The following DENND4C variants were observed in gnomAD, a reference collection of about 807,000 sequenced individuals.
DENND4C encodes the protein DENN domain containing 4C, also known as DENN domain-containing protein 4C.
DENND4C carries 108 observed loss-of-function variants against 203.0 expected under a neutral mutation model. That is an observed-to-expected ratio of 0.53 (90% CI 0.46 to 0.62). The LOEUF (loss-of-function observed/expected upper bound fraction) is 0.62, where lower values mean the gene tolerates loss of function less well. Among genes scored for constraint, DENND4C ranks in the 20% least tolerant of loss-of-function variants. The probability of loss-of-function intolerance (pLI) is 0.00; values close to 1 mark genes in which losing one functional copy is unlikely to be tolerated. For missense variants in DENND4C, 2,481 were observed against 2,301.2 expected (o/e 1.08, Z -1.60); for synonymous variants, 871 against 792.4 (o/e 1.10, Z -1.67).
At chr9:19,311,212 C>T (rs1208464383) in intron 10 of DENND4C, among the ~76,000 whole-genome samples, 1 of 152,078 alleles carries the variant, frequency 6.6e-6, no homozygotes, top group Non-Finnish European at 1.5e-5. Context: ...CAACCTCCAC[C>T]TCCTGGGTTC....
chr9:19,237,596 A>G, intron 1 of DENND4C, among the ~76,000 whole-genome samples: 1 of 151,922 alleles, frequency 6.6e-6, no homozygotes, highest in Non-Finnish European at 1.5e-5. Flanking sequence ...TCACTTTGTG[A>G]TCCGCCCGCC....
intron 1 of DENND4C, among the ~76,000 whole-genome samples, chr9:19,254,809 A>AT (rs1477572542): frequency 2.0e-5 from 3 of 152,076 alleles, no homozygotes; most frequent in African/African-American, 7.2e-5. Flanking sequence ...TTATATATAT[A>AT]TTTTTTCAAT....
chr9:19,364,563 T>C (rs967847108), intron 30 of DENND4C, among the ~76,000 whole-genome samples: 1 of 152,220 alleles, frequency 6.6e-6, no homozygotes, highest in African/African-American at 2.4e-5. Context: ...GAAGGGCCAC[T>C]GTTCCCAGCC....
At chr9:19,321,634 C>T (rs909268498) in intron 12 of DENND4C, among the ~76,000 whole-genome samples, 1 of 151,756 alleles carries the variant, frequency 6.6e-6, no homozygotes, top group Non-Finnish European at 1.5e-5. Flanking sequence ...CACTTGAGGT[C>T]AGGAGTTTGA....
chr9:19,342,239 G>C (rs982764050), intron 21 of DENND4C, among the ~76,000 whole-genome samples: 1 of 151,724 alleles, frequency 6.6e-6, no homozygotes, highest in Non-Finnish European at 1.5e-5. Flanking sequence ...GAATATTTTG[G>C]CTTATGGAAT....
intron 1 of DENND4C, among the ~76,000 whole-genome samples, chr9:19,262,448 C>CTTTTTTTTTTTTT (rs59268086): frequency 0.012 from 1,547 of 133,954 alleles, 30 homozygotes; most frequent in Middle Eastern, 0.018. Context: ...TATATCATAT[C>CTTTTTTTTTTTTT]TTTTTTTTTT....
intron 12 of DENND4C, among the ~76,000 whole-genome samples, chr9:19,317,507 T>G (rs117291206): frequency 6.6e-5 from 10 of 152,334 alleles, no homozygotes; most frequent in Non-Finnish European, 1.0e-4. Flanking sequence ...GTAGCAATCT[T>G]ACATCTATAT....
At chr9:19,310,996 T>A (rs1327912890) in intron 10 of DENND4C, among the ~76,000 whole-genome samples, 1 of 152,246 alleles carries the variant, frequency 6.6e-6, no homozygotes, top group Non-Finnish European at 1.5e-5. Context: ...TGTATGGCTT[T>A]TTAGTTGCGG....
chr9:19,277,392 GATT>G (rs1244218452), intron 2 of DENND4C, among the ~76,000 whole-genome samples: 1 of 152,026 alleles, frequency 6.6e-6, no homozygotes, highest in Non-Finnish European at 1.5e-5. Flanking sequence ...TTTTAAATCT[GATT>G]AATTTTATTT....
rs1156835335 is a variant in DENND4C, at chr9:19,246,080, CTT to C, written c.-18+15248_-18+15249del. Among the ~76,000 whole-genome samples, 4 of 151,284 alleles carry C rather than the reference CTT, an allele frequency of 2.6e-5. No individual in the cohort carries two copies. In the East Asian group the frequency reaches 7.7e-4, roughly 29 times the overall value. ...TTCTCCTCATATATTCTCTTCTTAA[CTT>C]ATCCAATTATATTGATTCATTTAAT... On this transcript the variant is annotated intron_variant, in intron 1 of 32. Coordinates refer to ENST00000434457, the MANE Select transcript of DENND4C (RefSeq NM_001330640.2).
chr9:19,273,050 G>A (rs1832090005), intron 1 of DENND4C, among the ~76,000 whole-genome samples: 2 of 148,004 alleles, frequency 1.4e-5, no homozygotes, highest in African/African-American at 5.0e-5. Flanking sequence ...CCGGGTTCAC[G>A]CCATTCTCCT....
At chr9:19,294,818 T>C (rs1837093947) in intron 5 of DENND4C, among the ~76,000 whole-genome samples, 1 of 152,150 alleles carries the variant, frequency 6.6e-6, no homozygotes, top group African/African-American at 2.4e-5. Flanking sequence ...ATTCCTCTTA[T>C]AGGAGGTACC....
chr9:19,360,786 G>A (rs529884305), intron 29 of DENND4C, among the ~76,000 whole-genome samples: 1 of 152,324 alleles, frequency 6.6e-6, no homozygotes, highest in Admixed American at 6.5e-5. Context: ...AATGGATGGA[G>A]AGGAGAGTAT....
At chr9:19,301,706 A>G (rs1588876549) in intron 9 of DENND4C, among the ~76,000 whole-genome samples, 1 of 152,220 alleles carries the variant, frequency 6.6e-6, no homozygotes, top group Non-Finnish European at 1.5e-5. Flanking sequence ...TGGGAGGCCA[A>G]GGCAGGCAGA....
At chr9:19,318,852 G>A (rs773311206) in intron 12 of DENND4C, among the ~76,000 whole-genome samples, 1 of 152,036 alleles carries the variant, frequency 6.6e-6, no homozygotes, top group African/African-American at 2.4e-5. Flanking sequence ...ACATTCCGAG[G>A]TACTAGGGGC....
At chr9:19,315,894 C>T (rs906023267) in intron 10 of DENND4C, among the ~76,000 whole-genome samples, 11 of 151,740 alleles carry the variant, frequency 7.2e-5, no homozygotes, top group Non-Finnish European at 1.6e-4. Context: ...TTAGTAGAGA[C>T]GGGGTTTCAC....
chr9:19,366,916 T>A (rs1351098099), intron 30 of DENND4C, among the ~76,000 whole-genome samples: 1 of 152,172 alleles, frequency 6.6e-6, no homozygotes, highest in African/African-American at 2.4e-5. Flanking sequence ...GAAAGGTCAA[T>A]CGACAGATTG....
At chr9:19,295,756 T>A (rs950990240) in intron 5 of DENND4C, among the ~76,000 whole-genome samples, 1 of 152,102 alleles carries the variant, frequency 6.6e-6, no homozygotes, top group African/African-American at 2.4e-5. Flanking sequence ...ATGCTTAAGT[T>A]GTAAGAGGTT....
At chr9:19,296,589 A>G (rs1422009834) in intron 6 of DENND4C, among the ~76,000 whole-genome samples, 1 of 152,004 alleles carries the variant, frequency 6.6e-6, no homozygotes, top group African/African-American at 2.4e-5. Flanking sequence ...TCCTGACCTC[A>G]TGGTCCACCT....
Sources: allele counts gnomAD v4.1 joint callset (sites outside exome capture counted in the v4.1 genomes callset), GRCh38; gene constraint gnomAD v4.1.1; transcripts MANE v1.5; gene names NCBI Gene and HGNC (gene_info 2026-07-23, HGNC 2026-07-21).